JARID2: variants seen among roughly 807,000 people sequenced by gnomAD.
JARID2 encodes the protein jumonji and AT-rich interaction domain containing 2, also known as protein Jumonji.
In JARID2, 21 loss-of-function variants were observed where a neutral mutation model predicts 125.6. That is an observed-to-expected ratio of 0.17 (90% CI 0.12 to 0.24). The LOEUF (loss-of-function observed/expected upper bound fraction) is 0.24. JARID2 is among the 10% of genes least tolerant of loss of function. JARID2 has a pLI of 1.00. For missense variants in JARID2, 1,303 were observed against 1,639.6 expected, an observed-to-expected ratio of 0.79 and a Z score of 3.55; for synonymous variants, 736 against 661.6, an observed-to-expected ratio of 1.11 and a Z score of -1.73.
Position 15,305,737 on chromosome 6 carries a change from C to G in JARID2, c.45+59153C>G, listed in dbSNP as rs116660585. 4.0e-3 allele frequency among the ~76,000 whole-genome samples: 605 copies of G among 152,262 alleles called. 7 individuals are homozygous for G. Among genetic ancestry groups the G allele is most frequent in the African/African-American group, 0.014 (577 of 41,570 alleles). ...CTTGGCCTTGATTCCTCCCCACCCC[C>G]ATCTCTTTGGAGCACCCCTCCAATA... On this transcript the variant is annotated intron_variant, in intron 1 of 17. Transcript: ENST00000341776.
Position 15,400,964 on chromosome 6 carries a change from G to C in JARID2, c.182-9260G>C, listed in dbSNP as rs750511995. On this transcript the variant is annotated intron_variant, in intron 2 of 17. Coordinates refer to ENST00000341776, the MANE Select transcript of JARID2 (RefSeq NM_004973.4). ...CCGGCTCTGAGGATGGCTGCTCCACGGGTCTGTCAGGTGCAGTTTTTGGTG... is the reference window on the plus strand; with the variant it reads ...CCGGCTCTGAGGATGGCTGCTCCACCGGTCTGTCAGGTGCAGTTTTTGGTG... 3 of 1,289,308 alleles carry C rather than the reference G, an allele frequency of 2.3e-6. No individual in the cohort carries two copies. The East Asian group carries it at 1.7e-4, about 72-fold the overall frequency. The allele number at this position is 1,289,308 out of a possible 1,614,324, so 79.9% of individuals were successfully genotyped here. A position where few individuals can be genotyped will look rare whatever the true frequency, so the allele number is the denominator to read the frequency against.
chr6:15,327,210 A>G (rs1762559932), intron 1 of JARID2, among the ~76,000 whole-genome samples: 1 of 152,004 alleles, frequency 6.6e-6, no homozygotes, highest in Non-Finnish European at 1.5e-5. Context: ...TTGTTTTTTA[A>G]ATAGACAAAT....
intron 5 of JARID2, among the ~76,000 whole-genome samples, chr6:15,480,695 A>C (rs1769570159): frequency 6.6e-6 from 1 of 152,216 alleles, no homozygotes; most frequent in Admixed American, 6.5e-5. Flanking sequence ...AACGCAAAGC[A>C]CTTATATACT....
chr6:15,273,427 T>C (rs1432926550), intron 1 of JARID2, among the ~76,000 whole-genome samples: 1 of 152,212 alleles, frequency 6.6e-6, no homozygotes, highest in African/African-American at 2.4e-5. Flanking sequence ...TTCAGCCAGA[T>C]GTGGTGGCTC....
At chr6:15,472,618 G>A (rs112369189) in intron 5 of JARID2, among the ~76,000 whole-genome samples, 1 of 152,200 alleles carries the variant, frequency 6.6e-6, no homozygotes, top group African/African-American at 2.4e-5. Flanking sequence ...GAGAAGCCAT[G>A]GGGCTGTGCA....
At chr6:15,295,633 T>C (rs1409408312) in intron 1 of JARID2, among the ~76,000 whole-genome samples, 2 of 152,162 alleles carry the variant, frequency 1.3e-5, no homozygotes, top group Non-Finnish European at 2.9e-5. Context: ...GTTTCAATAC[T>C]GAATAGGCCC....
At chr6:15,348,266 A>G (rs1201857055) in intron 1 of JARID2, among the ~76,000 whole-genome samples, 1 of 151,678 alleles carries the variant, frequency 6.6e-6, no homozygotes, top group Admixed American at 6.6e-5. Flanking sequence ...TAATTTTTAT[A>G]TTTTTAGTAG....
intron 1 of JARID2, among the ~76,000 whole-genome samples, chr6:15,342,426 T>G (rs1359165719): frequency 6.6e-6 from 1 of 152,200 alleles, no homozygotes; most frequent in Non-Finnish European, 1.5e-5. Flanking sequence ...GGTTGGATGC[T>G]CCAGGTTTGT....
At chr6:15,383,713 G>T (rs1196023028) in intron 2 of JARID2, among the ~76,000 whole-genome samples, 1 of 152,022 alleles carries the variant, frequency 6.6e-6, no homozygotes, top group Non-Finnish European at 1.5e-5. Flanking sequence ...CATTATTCTG[G>T]GGTGTAATTG....
chr6:15,439,689 A>G (rs577511681), intron 3 of JARID2, among the ~76,000 whole-genome samples: 2 of 152,238 alleles, frequency 1.3e-5, no homozygotes, highest in South Asian at 4.2e-4. Flanking sequence ...AAGAGATTGG[A>G]CTTCTTTTCT....
intron 3 of JARID2, among the ~76,000 whole-genome samples, chr6:15,434,207 A>T (rs1767104514): frequency 6.6e-6 from 1 of 152,026 alleles, no homozygotes; most frequent in South Asian, 2.1e-4. Context: ...GATGACATTA[A>T]ATAATACTGT....
intron 1 of JARID2, among the ~76,000 whole-genome samples, chr6:15,275,475 G>T (rs1419744374): frequency 7.3e-6 from 1 of 137,632 alleles, no homozygotes; most frequent in Admixed American, 7.6e-5. Flanking sequence ...CAGATGCTTT[G>T]AATTAGCTGG....
At position 15,326,154 on chromosome 6, in the gene JARID2, G is replaced by A. The variant is rs188770123; in HGVS notation, c.46-47963G>A. On this transcript the variant is annotated intron_variant, in intron 1 of 17. Coordinates refer to ENST00000341776, the MANE Select transcript of JARID2 (RefSeq NM_004973.4). Reference sequence around the variant, plus strand: ...TATGCAGCCTCTCCTAATTGCAGAAGTATCAACCCATGGTGAATTTTGTTT... The same window carrying A: ...TATGCAGCCTCTCCTAATTGCAGAAATATCAACCCATGGTGAATTTTGTTT... 2.8e-3 allele frequency among the ~76,000 whole-genome samples: 430 copies of A among 152,260 alleles called. 8 individuals are homozygous for A. Among genetic ancestry groups the A allele is most frequent in the Admixed American group, 0.024 (361 of 15,298 alleles).
rs1765143931 is a variant in JARID2 at position 15,394,475 on chromosome 6, C to CTA, written c.182-15748_182-15747insAT. Among the ~76,000 whole-genome samples the CTA allele has an allele frequency of 2.6e-5, 4 of 152,088 alleles. No individual in the cohort carries two copies. The South Asian group carries it at 6.2e-4, about 24-fold the overall frequency. On this transcript the variant is annotated intron_variant, in intron 2 of 17. Coordinates refer to ENST00000341776, the MANE Select transcript of JARID2 (RefSeq NM_004973.4). ...ATTAGCTGGGTGTGGTGGCGCCTACCTGTAGTACAGCTACTTGGGAGGTTG... is the reference window on the plus strand; with the variant it reads ...ATTAGCTGGGTGTGGTGGCGCCTACCTATGTAGTACAGCTACTTGGGAGGTTG...
intron 1 of JARID2, among the ~76,000 whole-genome samples, chr6:15,263,918 GGT>G (rs901990889): frequency 6.6e-6 from 1 of 152,016 alleles, no homozygotes; most frequent in African/African-American, 2.4e-5. Context: ...TTAGATACAG[GGT>G]GTCGCTGTGT....
At chr6:15,353,242 A>G (rs1763489588) in intron 1 of JARID2, among the ~76,000 whole-genome samples, 1 of 152,160 alleles carries the variant, frequency 6.6e-6, no homozygotes, top group South Asian at 2.1e-4. Context: ...TTATTGTAGT[A>G]GGTGTGAAGT....
At position 15,520,495 on chromosome 6, in the gene JARID2, A is replaced by C. The variant is rs1466018993; in HGVS notation, c.*244A>C. On this transcript the variant is annotated 3_prime_UTR_variant, in exon 18 of 18. Transcript: ENST00000341776. Reference sequence around the variant, plus strand: ...ATAGTCACTGTTTTAAAAACCCCGGAGGGGCTGTATTAATTTGTATTGCCC... The same window carrying C: ...ATAGTCACTGTTTTAAAAACCCCGGCGGGGCTGTATTAATTTGTATTGCCC... 5.1e-6 allele frequency: 2 copies of C among 395,242 alleles called. No individual in the cohort carries two copies. Among genetic ancestry groups the C allele is most frequent in the East Asian group, 9.4e-5 (2 of 21,350 alleles). 24.5% of individuals were successfully genotyped at this position (395,242 alleles called of 1,614,324 possible).
chr6:15,416,295 G>A (rs1766206280), intron 3 of JARID2, among the ~76,000 whole-genome samples: 1 of 152,224 alleles, frequency 6.6e-6, no homozygotes, highest in South Asian at 2.1e-4. Flanking sequence ...TGGCGGCCGG[G>A]CAGAGGCTGC....
rs770714139 is a variant in JARID2, at chr6:15,501,273, G to A, written c.2312G>A (p.Arg771His). 17 of 1,613,416 alleles carry A rather than the reference G, an allele frequency of 1.1e-5. No individual in the cohort carries two copies. Among genetic ancestry groups the A allele is most frequent in the South Asian group, 3.3e-5 (3 of 91,088 alleles). ...GGCGTGGCCCCCAGGAACGGCTTCC[G>A]CAGCAAGCTCAAGGAGGTGGGCCAG... ...IHGVAPRNGF[R>H]SKLKEVGQAQ... Residue 771 changes from arginine to histidine, a missense_variant, in exon 8 of 18, where the codon CGC becomes CAC. Arg to His is a conservative substitution (Grantham distance 29). This residue lies in a region of JARID2 where 124 missense variants were observed against 131.0 expected (regional missense o/e 0.95). Transcript: ENST00000341776.
Sources: allele counts gnomAD v4.1 joint callset (sites outside exome capture counted in the v4.1 genomes callset), GRCh38; gene constraint gnomAD v4.1.1; regional missense constraint gnomAD v4.1.1; transcripts MANE v1.5; gene names NCBI Gene and HGNC (gene_info 2026-07-23, HGNC 2026-07-21).